GRIN2B: variants seen among roughly 807,000 people sequenced by gnomAD.
GRIN2B encodes the protein glutamate receptor ionotropic, NMDA 2B.
A neutral mutation model predicts 114.5 loss-of-function variants in GRIN2B; 5 were observed. The observed-to-expected ratio is 0.04, with a 90% CI of 0.02 to 0.09. The LOEUF is 0.09. Among genes scored for constraint, GRIN2B ranks in the 10% least tolerant of loss-of-function variants. GRIN2B has a pLI of 1.00. For synonymous variants in GRIN2B, 787 were observed against 745.1 expected (o/e 1.06, Z -0.92); for missense variants, 1,108 against 1,943.5 (o/e 0.57, Z 8.08).
At chr12:13,808,681 C>T (rs1591744016) in intron 3 of GRIN2B, among the ~76,000 whole-genome samples, 1 of 149,654 alleles carries the variant, frequency 6.7e-6, no homozygotes, top group African/African-American at 2.5e-5. Flanking sequence ...CAACATGGTA[C>T]ATTTATACAT....
intron 2 of GRIN2B, among the ~76,000 whole-genome samples, chr12:13,936,969 C>G (rs975706567): frequency 6.6e-6 from 1 of 151,038 alleles, no homozygotes; most frequent in African/African-American, 2.4e-5. Context: ...AACTTGAAGA[C>G]AGATTAATAA....
rs1310969670 is a variant in GRIN2B, at chr12:13,562,899, A to AGAT, written c.4336_4338dup (p.Ile1446dup). The AGAT allele has an allele frequency of 1.9e-6, 3 of 1,614,042 alleles. No individual in the cohort carries two copies. The highest frequency in any genetic ancestry group is 2.5e-6 in the Non-Finnish European group (3 of 1,180,024). On this transcript the variant is annotated inframe_insertion, in exon 14 of 14. Transcript: ENST00000609686. The stretch of plus-strand genomic sequence containing the variant: ...CAGGGGTTGGACTGGTTCCCTATAC[A>AGAT]GATGTCCTTCTGGAAACGGGCTGGC...
At chr12:13,793,465 A>G (rs1864355203) in intron 3 of GRIN2B, among the ~76,000 whole-genome samples, 1 of 152,198 alleles carries the variant, frequency 6.6e-6, no homozygotes, top group African/African-American at 2.4e-5. Flanking sequence ...TTAGTTCTCA[A>G]GAAAATTTCA....
chr12:13,858,253 T>G (rs1280310076), intron 3 of GRIN2B, among the ~76,000 whole-genome samples: 1 of 152,230 alleles, frequency 6.6e-6, no homozygotes, highest in Non-Finnish European at 1.5e-5. Flanking sequence ...AAATGATCAG[T>G]GTCAGTCTTT....
chr12:13,608,468 T>C (rs1949317761), intron 10 of GRIN2B, 135 bp downstream of exon 10: 1 of 711,588 alleles, frequency 1.4e-6, no homozygotes, highest in Non-Finnish European at 2.5e-6. Context: ...TCTACTCCCA[T>C]GTTCCAATAC....
intron 3 of GRIN2B, among the ~76,000 whole-genome samples, chr12:13,810,423 G>A (rs1302614823): frequency 6.6e-6 from 1 of 151,970 alleles, no homozygotes; most frequent in Non-Finnish European, 1.5e-5. Flanking sequence ...CATTAAAGCA[G>A]GGATTCTACT....
chr12:13,783,427 A>T (rs972721382), intron 3 of GRIN2B, among the ~76,000 whole-genome samples: 3 of 4,936 alleles, frequency 6.1e-4, no homozygotes, highest in Non-Finnish European at 2.3e-3. Flanking sequence ...TGGTAACGGA[A>T]ATAGGTTTTG....
At chr12:13,691,264 T>G (rs1318027346) in intron 4 of GRIN2B, among the ~76,000 whole-genome samples, 1 of 152,158 alleles carries the variant, frequency 6.6e-6, no homozygotes. Context: ...AGAGTCCCTG[T>G]GGGTCCATGC....
In GRIN2B at chr12:13,556,154, G is replaced by T. The variant is rs930507705; in HGVS notation, c.*6629C>A. 2.0e-5 allele frequency: 3 copies of T among 152,128 alleles called. No homozygotes were observed. Among genetic ancestry groups the T allele is most frequent in the African/African-American group, 7.2e-5 (3 of 41,428 alleles). 9.4% of individuals were successfully genotyped at this position (152,128 alleles called of 1,614,324 possible). A position where few individuals can be genotyped will look rare whatever the true frequency, so the allele number is the denominator to read the frequency against. ...TTAGAGAGGAAATCCCAGAGTTTTA[G>T]CTCTGGGAGGTGTAATAATTTCAAA... On this transcript the variant is annotated 3_prime_UTR_variant, in exon 14 of 14. Transcript: ENST00000609686.
At chr12:13,859,133 A>G (rs556726147) in intron 3 of GRIN2B, among the ~76,000 whole-genome samples, 42 of 152,242 alleles carry the variant, frequency 2.8e-4, no homozygotes, top group African/African-American at 9.6e-4. Flanking sequence ...TTACAGAAGG[A>G]GATTTTGAGG....
chr12:13,938,557 A>C (rs1036494309), intron 2 of GRIN2B, among the ~76,000 whole-genome samples: 1 of 152,232 alleles, frequency 6.6e-6, no homozygotes, highest in East Asian at 1.9e-4. Flanking sequence ...ACTCAATAAA[A>C]AGGAACAAAC....
Position 13,671,262 on chromosome 12 carries a change from A to C in GRIN2B, c.1125+4483T>G, listed in dbSNP as rs149102581. 7.9e-5 allele frequency among the ~76,000 whole-genome samples: 12 copies of C among 152,236 alleles called. No homozygotes were observed. The East Asian group carries it at 2.3e-3, about 29-fold the overall frequency. ...GACTATTCACTGATGTTTGACTGTA[A>C]AACCTCTTTGAATCTTTACAACAGC... is the stretch of plus-strand genomic sequence containing the variant. On this transcript the variant is annotated intron_variant, in intron 5 of 13. Transcript: ENST00000609686.
intron 4 of GRIN2B, among the ~76,000 whole-genome samples, chr12:13,678,857 T>C (rs548343001): frequency 6.6e-6 from 1 of 152,168 alleles, no homozygotes; most frequent in Non-Finnish European, 1.5e-5. Flanking sequence ...TAATATAATA[T>C]ACTTGAAAAT....
At chr12:13,569,246 T>C (rs989454248) in intron 12 of GRIN2B, among the ~76,000 whole-genome samples, 4 of 152,150 alleles carry the variant, frequency 2.6e-5, no homozygotes, top group Admixed American at 6.5e-5. Context: ...CTAAAATATA[T>C]ATGTTGAAGT....
At chr12:13,594,712 C>T (rs1949051486) in intron 10 of GRIN2B, among the ~76,000 whole-genome samples, 1 of 149,950 alleles carries the variant, frequency 6.7e-6, no homozygotes, top group Non-Finnish European at 1.5e-5. Context: ...GCCAGTAGTG[C>T]CAAGTGGAAG....
intron 2 of GRIN2B, among the ~76,000 whole-genome samples, chr12:13,974,332 C>G (rs1010323754): frequency 2.0e-5 from 3 of 152,184 alleles, no homozygotes; most frequent in Non-Finnish European, 4.4e-5. Context: ...ATAAACAAGG[C>G]TAGGATTTCA....
chr12:13,638,386 C>T (rs1018571834), intron 5 of GRIN2B, among the ~76,000 whole-genome samples: 4 of 152,074 alleles, frequency 2.6e-5, no homozygotes, highest in African/African-American at 9.7e-5. Flanking sequence ...AAAACCAAGA[C>T]ATGTCCACGT....
At chr12:13,932,952 C>CGTGTGTGTGTGTGT (rs5796568) in intron 2 of GRIN2B, among the ~76,000 whole-genome samples, 5 of 148,698 alleles carry the variant, frequency 3.4e-5, no homozygotes, top group African/African-American at 1.0e-4. Flanking sequence ...AGGGCTTTGT[C>CGTGTGTGTGTGTGT]GTGTGTGTGT....
rs57206826 is a variant in GRIN2B, at chr12:13,547,981, A to ATTTTTTTTTTTT, written c.*14790_*14801dup. ...TGTGTATATATATATATATATATAT[A>ATTTTTTTTTTTT]TTTTTTTTTTTTTTCTGAAAGCTAC... On this transcript the variant is annotated 3_prime_UTR_variant, in exon 14 of 14. Transcript: ENST00000609686. The ATTTTTTTTTTTT allele has an allele frequency of 7.3e-4, 50 of 68,558 alleles. 1 individual carries two copies. Among genetic ancestry groups the ATTTTTTTTTTTT allele is most frequent in the Admixed American group, 1.9e-3 (10 of 5,188 alleles). 4.2% of individuals were successfully genotyped at this position (68,558 alleles called of 1,614,324 possible).
Sources: allele counts gnomAD v4.1 joint callset (sites outside exome capture counted in the v4.1 genomes callset), GRCh38; gene constraint gnomAD v4.1.1; transcripts MANE v1.5; gene names NCBI Gene and HGNC (gene_info 2026-07-23, HGNC 2026-07-21).